Variants in GLIS3 observed in about 807,000 individuals in gnomAD.
The protein encoded by GLIS3 is zinc finger protein GLIS3.
A neutral mutation model predicts 78.6 loss-of-function variants in GLIS3; 53 were observed. That is an observed-to-expected ratio of 0.67 (90% CI 0.54 to 0.85). The LOEUF is 0.85. Among genes scored for constraint, GLIS3 ranks in the 40% least tolerant of loss-of-function variants. The pLI is 0.00. For synonymous variants in GLIS3, 684 were observed against 509.9 expected, an observed-to-expected ratio of 1.34 and a Z score of -4.60; for missense variants, 1,703 against 1,231.1, an observed-to-expected ratio of 1.38 and a Z score of -5.74.
intron 2 of GLIS3, among the ~76,000 whole-genome samples, chr9:4,274,672 C>G (rs935992526): frequency 6.6e-6 from 1 of 152,172 alleles, no homozygotes; most frequent in Non-Finnish European, 1.5e-5. Flanking sequence ...ATTAAGAATG[C>G]CAAGAAGGTG....
At chr9:3,845,872 C>A (rs1279480409) in intron 9 of GLIS3, among the ~76,000 whole-genome samples, 8 of 152,198 alleles carry the variant, frequency 5.3e-5, no homozygotes, top group Non-Finnish European at 1.2e-4. Context: ...GCTAAAAGCA[C>A]AACTCTGGAG....
chr9:4,448,813 G>C, the GLIS3 span, among the ~76,000 whole-genome samples: 8 of 152,266 alleles, frequency 5.3e-5, no homozygotes, highest in South Asian at 1.2e-3. Context: ...TTTGTGGTTT[G>C]TTTGTTTGCT....
At chr9:4,395,561 G>A in the GLIS3 span, among the ~76,000 whole-genome samples, 2 of 152,130 alleles carry the variant, frequency 1.3e-5, no homozygotes, top group East Asian at 1.9e-4. Context: ...TGCCTGGGAA[G>A]GTGATACCTC....
At chr9:4,401,152 T>C in the GLIS3 span, among the ~76,000 whole-genome samples, 1 of 152,216 alleles carries the variant, frequency 6.6e-6, no homozygotes, top group East Asian at 1.9e-4. Context: ...ACAGCATTTC[T>C]ATATCTGTCC....
intron 9 of GLIS3, among the ~76,000 whole-genome samples, chr9:3,836,323 C>T (rs1818350263): frequency 1.3e-5 from 2 of 152,228 alleles, no homozygotes; most frequent in African/African-American, 2.4e-5. Flanking sequence ...ATGAGCTTTA[C>T]AGCTCTAATT....
intron 2 of GLIS3, among the ~76,000 whole-genome samples, chr9:4,145,958 A>G (rs1834194519): frequency 6.6e-6 from 1 of 152,246 alleles, no homozygotes; most frequent in Non-Finnish European, 1.5e-5. Flanking sequence ...ACAAAAAAGT[A>G]CAAATCTGAA....
At chr9:4,035,439 G>A (rs903263993) in intron 4 of GLIS3, among the ~76,000 whole-genome samples, 2 of 151,218 alleles carry the variant, frequency 1.3e-5, no homozygotes, top group African/African-American at 2.4e-5. Flanking sequence ...CACCTATCTC[G>A]TATTCCACCT....
At chr9:4,178,618 C>A (rs568719009) in intron 2 of GLIS3, among the ~76,000 whole-genome samples, 190 of 152,234 alleles carry the variant, frequency 1.2e-3, no homozygotes, top group Non-Finnish European at 2.0e-3. Context: ...CAAATATAAC[C>A]CCTGACATAG....
intron 2 of GLIS3, among the ~76,000 whole-genome samples, chr9:4,263,079 T>C (rs1331192847): frequency 6.6e-6 from 1 of 152,222 alleles, no homozygotes. Context: ...CTGGTTTACA[T>C]TTCACAGTAA....
At position 3,828,267 on chromosome 9, in the gene GLIS3, A is replaced by T. The variant is rs369552895; in HGVS notation, c.*5T>A. 1 of 1,614,044 alleles carries T rather than the reference A, an allele frequency of 6.2e-7. No individual in the cohort carries two copies. The highest frequency in any genetic ancestry group is 1.1e-5 in the South Asian group (1 of 91,082). ...CTGGGTGTGCAGGAGTGGCCAAGAG[A>T]GCTTTTAGCCTTCGGTGTAGACAGA... is the stretch of plus-strand genomic sequence containing the variant. On this transcript the variant is annotated 3_prime_UTR_variant, in exon 11 of 11. Transcript: ENST00000381971.
At chr9:3,899,702 C>G (rs182768995) in intron 6 of GLIS3, among the ~76,000 whole-genome samples, 6 of 152,034 alleles carry the variant, frequency 3.9e-5, no homozygotes, top group African/African-American at 1.2e-4. Context: ...AAGACTAAAC[C>G]TTTAGATATA....
At chr9:3,952,967 A>C (rs978666658) in intron 4 of GLIS3, among the ~76,000 whole-genome samples, 2 of 152,138 alleles carry the variant, frequency 1.3e-5, no homozygotes, top group African/African-American at 2.4e-5. Flanking sequence ...ATTTATGTTT[A>C]ATTTAAAAAA....
At chr9:4,257,728 C>T (rs7854382) in intron 2 of GLIS3, among the ~76,000 whole-genome samples, 123,054 of 151,500 alleles carry the variant, frequency 0.81, 50,484 homozygotes, top group East Asian at 0.98. Flanking sequence ...TGCCTGCCAC[C>T]ACGCCCGGCT....
At chr9:4,338,367 TACACACACAC>T (rs556724177) in intron 2 of GLIS3, among the ~76,000 whole-genome samples, 8 of 131,618 alleles carry the variant, frequency 6.1e-5, no homozygotes, top group African/African-American at 2.1e-4. Flanking sequence ...TATATGTGTG[TACACACACAC>T]ACACACACAC....
the GLIS3 span, among the ~76,000 whole-genome samples, chr9:4,439,875 G>C: frequency 6.6e-6 from 1 of 152,096 alleles, no homozygotes; most frequent in Non-Finnish European, 1.5e-5. Flanking sequence ...CAGAGAAAAG[G>C]TTTCACCCTG....
intron 7 of GLIS3, among the ~76,000 whole-genome samples, chr9:3,887,797 G>A (rs1482682984): frequency 6.6e-6 from 1 of 152,170 alleles, no homozygotes; most frequent in Non-Finnish European, 1.5e-5. Context: ...AAAAGCTCTG[G>A]AAACATCTGC....
At chr9:4,280,373 T>C (rs1827436471) in intron 2 of GLIS3, among the ~76,000 whole-genome samples, 1 of 152,190 alleles carries the variant, frequency 6.6e-6, no homozygotes, top group East Asian at 1.9e-4. Flanking sequence ...GTATGAAAAT[T>C]AACTTTCTTG....
In GLIS3 at chr9:4,271,571, G is replaced by A. The variant is rs78972149; in HGVS notation, c.388+14467C>T. On this transcript the variant is annotated intron_variant, in intron 2 of 10. Transcript: ENST00000381971. ...GCCTAGGAAAAAGCAGCATAAGCAA[G>A]TGGCATATTCTTACAGTTTCTCAAA... is the stretch of plus-strand genomic sequence containing the variant. Among the ~76,000 whole-genome samples the A allele has an allele frequency of 6.5e-3, 985 of 152,292 alleles. 10 individuals carry two copies. Among genetic ancestry groups the A allele is most frequent in the African/African-American group, 0.022 (933 of 41,550 alleles).
the GLIS3 span, among the ~76,000 whole-genome samples, chr9:4,452,242 A>T: frequency 0.16 from 24,987 of 152,164 alleles, 2,504 homozygotes; most frequent in South Asian, 0.22. Context: ...AACTGGAAGC[A>T]TTCCTTTTGA....
Sources: gnomAD v4.1 joint callset for allele counts (sites outside exome capture counted in the v4.1 genomes callset) on GRCh38, gnomAD v4.1.1 for gene constraint, MANE v1.5 for transcripts, NCBI Gene and HGNC (gene_info 2026-07-23, HGNC 2026-07-21) for gene names.